The following AKAP11 variants were observed in gnomAD, a reference collection of about 807,000 sequenced individuals.
The protein encoded by AKAP11 is A-kinase anchoring protein 11.
AKAP11 carries 36 observed loss-of-function variants against 146.1 expected under a neutral mutation model. That is an observed-to-expected ratio of 0.25 (90% confidence interval 0.19 to 0.33). The LOEUF (loss-of-function observed/expected upper bound fraction) is 0.33, where lower values mean the gene tolerates loss of function less well. Ranked by LOEUF, AKAP11 falls within the 10% of genes least tolerant of loss-of-function variation. The pLI is 1.00. For synonymous variants in AKAP11, 780 were observed against 786.5 expected (o/e 0.99, Z 0.14); for missense variants, 2,201 against 2,197.0 (o/e 1.00, Z -0.04).
intron 11 of AKAP11, among the ~76,000 whole-genome samples, chr13:42,315,634 C>T (rs916472988): frequency 1.3e-5 from 2 of 152,140 alleles, no homozygotes; most frequent in Non-Finnish European, 2.9e-5. Flanking sequence ...ACTTTTGGCA[C>T]TAACCAGGCT....
chr13:42,295,632 CTG>C, intron 4 of AKAP11, 61 bp from the exon 5 acceptor site: 1 of 1,474,642 alleles, frequency 6.8e-7, no homozygotes, highest in East Asian at 2.3e-5. Context: ...TTTGTCAGCT[CTG>C]TCACCAGCCT....
intron 1 of AKAP11, among the ~76,000 whole-genome samples, chr13:42,284,919 T>C (rs537923231): frequency 1.0e-3 from 154 of 152,330 alleles, no homozygotes; most frequent in African/African-American, 3.7e-3. Context: ...TTTATTGTTA[T>C]AGAGACCACT....
At position 42,302,182 on chromosome 13, in the gene AKAP11, G is replaced by T; in HGVS notation, c.3436G>T (p.Val1146Phe). Residue 1146 changes from valine (V) to phenylalanine (F), a missense_variant, in exon 8 of 13, where the codon GTT becomes TTT. By Grantham distance (50) the Val-to-Phe change is conservative (BLOSUM62 -1). Transcript: ENST00000025301. ...ACCTTCTACTCCACACAACTCATCTGTTGGTAGTTTGTCTGAGAATGAACA... is the reference window on the plus strand; with the variant it reads ...ACCTTCTACTCCACACAACTCATCTTTTGGTAGTTTGTCTGAGAATGAACA... Reference protein sequence around the residue: ...TPPSTPHNSSVGSLSENEQNT... With the variant: ...TPPSTPHNSSFGSLSENEQNT... The T allele has an allele frequency of 1.9e-6, 3 of 1,614,164 alleles. No individual in the cohort carries two copies. The highest frequency in any genetic ancestry group is 2.5e-6 in the Non-Finnish European group (3 of 1,180,014).
At chr13:42,315,534 A>T (rs1960778310) in intron 11 of AKAP11, among the ~76,000 whole-genome samples, 1 of 128,344 alleles carries the variant, frequency 7.8e-6, no homozygotes, top group Non-Finnish European at 1.7e-5. Context: ...CTAATGAACT[A>T]GCGATTGTTT....
rs1316702406 is a variant in AKAP11, at chr13:42,272,616, T to C, written c.-100+388T>C. ...GGTGCGCGTGCTTAGTGTGTGTTCGTGGTGTGCGCACAGGAACATTTGCAG... is the reference window on the plus strand; with the variant it reads ...GGTGCGCGTGCTTAGTGTGTGTTCGCGGTGTGCGCACAGGAACATTTGCAG... On this transcript the variant is annotated intron_variant, in intron 1 of 12. Coordinates refer to ENST00000025301, the MANE Select transcript of AKAP11 (RefSeq NM_016248.4). Among the ~76,000 whole-genome samples the C allele has an allele frequency of 4.6e-5, 7 of 151,942 alleles. No individual in the cohort carries two copies. In the East Asian group the frequency reaches 1.4e-3, roughly 29 times the overall value.
At chr13:42,288,307 C>CA (rs1959181369) in intron 3 of AKAP11, among the ~76,000 whole-genome samples, 1 of 152,138 alleles carries the variant, frequency 6.6e-6, no homozygotes, top group Non-Finnish European at 1.5e-5. Flanking sequence ...TGAAAAATTT[C>CA]AAACACATAG....
rs113433526 is a variant in AKAP11 at position 42,300,254 on chromosome 13, T to C, written c.1508T>C (p.Val503Ala). The stretch of plus-strand genomic sequence containing the variant: ...ATTTCATGTGAAGTACTAGGCTCAG[T>C]TCTTCGTACCCACCATACTAATACC... ...KSISCEVLGS[V>A]LRTHHTNTLS... Residue 503 changes from valine to alanine, a missense_variant, in exon 8 of 13, where the codon GTT becomes GCT. Coordinates refer to ENST00000025301, the MANE Select transcript of AKAP11 (RefSeq NM_016248.4). The C allele has an allele frequency of 1.9e-6, 3 of 1,613,950 alleles. No individual in the cohort carries two copies. In the East Asian group the frequency reaches 6.7e-5, roughly 36 times the overall value.
intron 11 of AKAP11, among the ~76,000 whole-genome samples, chr13:42,316,907 A>G (rs951586559): frequency 6.6e-6 from 1 of 152,124 alleles, no homozygotes; most frequent in Non-Finnish European, 1.5e-5. Context: ...TTTTTGGGAC[A>G]AAGTCTTGCT....
rs138430778 is a variant in AKAP11, at chr13:42,322,690, C to T, written c.*3462C>T. The T allele has an allele frequency of 1.7e-4, 26 of 152,474 alleles. No homozygotes were observed. In the East Asian group the frequency reaches 3.6e-3, roughly 21 times the overall value. The allele number at this position is 152,474 out of a possible 1,614,324, so 9.4% of individuals were successfully genotyped here. ...ATTTTTTCTCATTTTCAGCAAGACT[C>T]CTCTAAGCATTTACTCATTTACTGT... On this transcript the variant is annotated 3_prime_UTR_variant, in exon 13 of 13. Transcript: ENST00000025301.
At position 42,319,906 on chromosome 13, in the gene AKAP11, G is replaced by GGTGTGTGTGTGTGTGTGTGTGTGTGT. The variant is rs3038992; in HGVS notation, c.*697_*722dup. ...TGCTGCCAGTCATTCTGGCATGAAA[G>GGTGTGTGTGTGTGTGTGTGTGTGTGT]GTGTGTGTGTGTGTGTGTGTGTGTG... is the stretch of plus-strand genomic sequence containing the variant. On this transcript the variant is annotated 3_prime_UTR_variant, in exon 13 of 13. Coordinates refer to ENST00000025301, the MANE Select transcript of AKAP11 (RefSeq NM_016248.4). The GGTGTGTGTGTGTGTGTGTGTGTGTGT allele has an allele frequency of 2.2e-4, 29 of 132,752 alleles. 1 individual carries two copies. Among genetic ancestry groups the GGTGTGTGTGTGTGTGTGTGTGTGTGT allele is most frequent in the East Asian group, 4.7e-4 (2 of 4,248 alleles). 8.2% of individuals were successfully genotyped at this position (132,752 alleles called of 1,614,324 possible). A position where few individuals can be genotyped will look rare whatever the true frequency, so the allele number is the denominator to read the frequency against.
intron 9 of AKAP11, among the ~76,000 whole-genome samples, chr13:42,311,881 C>T (rs940495698): frequency 1.3e-5 from 2 of 151,878 alleles, no homozygotes; most frequent in African/African-American, 4.8e-5. Flanking sequence ...TTAAAAAGAC[C>T]CTGCTCAGTT....
chr13:42,293,209 A>G (rs989068411), intron 4 of AKAP11, among the ~76,000 whole-genome samples: 4 of 152,216 alleles, frequency 2.6e-5, no homozygotes, highest in African/African-American at 9.6e-5. Flanking sequence ...GTGGTTATAG[A>G]TAGATGCTCC....
rs1961025455 is a variant in AKAP11 at position 42,320,225 on chromosome 13, T to C, written c.*997T>C. The C allele has an allele frequency of 6.6e-6, 1 of 152,524 alleles. No homozygotes were observed. The highest frequency in any genetic ancestry group is 2.4e-5 in the African/African-American group (1 of 41,434). The allele number at this position is 152,524 out of a possible 1,614,324, so 9.4% of individuals were successfully genotyped here. A position where few individuals can be genotyped will look rare whatever the true frequency, so the allele number is the denominator to read the frequency against. ...ATTTAGAGAAGCCCAGTAGTTTTTA[T>C]TGTTGGATTTTTGAAAAAACCTCTA... On this transcript the variant is annotated 3_prime_UTR_variant, in exon 13 of 13. Coordinates refer to ENST00000025301, the MANE Select transcript of AKAP11 (RefSeq NM_016248.4).
At chr13:42,295,669 T>G (rs1409230152) in intron 4 of AKAP11, 26 bp from the exon 5 acceptor site, 1 of 1,605,042 alleles carries the variant, frequency 6.2e-7, no homozygotes, top group South Asian at 1.1e-5. Context: ...TTCAAATTAA[T>G]GGAGGTTTAT....
chr13:42,292,315 C>T, intron 3 of AKAP11, 70 bp from the exon 4 acceptor site: 2 of 925,016 alleles, frequency 2.2e-6, no homozygotes, highest in South Asian at 4.2e-5. Flanking sequence ...TCTAAAACAT[C>T]TCCAGGATCT....
rs879826520 is a variant in AKAP11, at chr13:42,304,622, T to TGAA, written c.5117+766_5117+768dup. Among the ~76,000 whole-genome samples, 1,333 of 152,374 alleles carry TGAA rather than the reference T, an allele frequency of 8.7e-3. 10 individuals carry two copies. Among genetic ancestry groups the TGAA allele is most frequent in the Non-Finnish European group, 0.011 (753 of 68,032 alleles). On this transcript the variant is annotated intron_variant, in intron 8 of 12. Coordinates refer to ENST00000025301, the MANE Select transcript of AKAP11 (RefSeq NM_016248.4). Reference sequence around the variant, plus strand: ...TATAAAGACCATGGTTAAACTACTCTGAAGAAGAAAGTGAAAATTCTTTAC... The same window carrying TGAA: ...TATAAAGACCATGGTTAAACTACTCTGAAGAAGAAGAAAGTGAAAATTCTTTAC...
At chr13:42,283,328 C>G (rs1566257161) in intron 1 of AKAP11, among the ~76,000 whole-genome samples, 2 of 152,134 alleles carry the variant, frequency 1.3e-5, no homozygotes, top group African/African-American at 4.8e-5. Context: ...TAATTTCAAA[C>G]AATGATTTGA....
rs1160447456 is a variant in AKAP11 at position 42,302,180 on chromosome 13, C to G, written c.3434C>G (p.Ser1145Cys). Residue 1145 changes from serine to cysteine, a missense_variant, in exon 8 of 13, where the codon TCT (serine) becomes TGT (cysteine). By Grantham distance (112) the Ser-to-Cys change is moderately radical. Transcript: ENST00000025301. ...CCACCTTCTACTCCACACAACTCAT[C>G]TGTTGGTAGTTTGTCTGAGAATGAA... The part of the protein sequence containing the change: ...ATPPSTPHNS[S>C]VGSLSENEQN... The G allele has an allele frequency of 1.2e-6, 2 of 1,614,174 alleles. No individual in the cohort carries two copies. Among genetic ancestry groups the G allele is most frequent in the Non-Finnish European group, 1.7e-6 (2 of 1,180,000 alleles).
intron 3 of AKAP11, among the ~76,000 whole-genome samples, chr13:42,287,792 A>G (rs1959178364): frequency 6.6e-6 from 1 of 152,204 alleles, no homozygotes; most frequent in African/African-American, 2.4e-5. Flanking sequence ...TAAACTAATA[A>G]CTAATAATAT....
Sources: gnomAD v4.1 joint callset for allele counts (sites outside exome capture counted in the v4.1 genomes callset) on GRCh38, gnomAD v4.1.1 for gene constraint, MANE v1.5 for transcripts, NCBI Gene and HGNC (gene_info 2026-07-23, HGNC 2026-07-21) for gene names.